EPDR1: variants seen among roughly 807,000 people sequenced by gnomAD.
EPDR1 encodes ependymin related 1, also known as mammalian ependymin-related protein 1.
EPDR1 carries 27 observed loss-of-function variants against 23.7 expected under a neutral mutation model. That is an observed-to-expected ratio of 1.14 (90% CI 0.84 to 1.57). The LOEUF (loss-of-function observed/expected upper bound fraction) is 1.57. Ranked by LOEUF, EPDR1 falls within the 40% of genes most tolerant of loss-of-function variation. The pLI is 0.00. For synonymous variants in EPDR1, 137 were observed against 118.2 expected (o/e 1.16, Z -1.03); for missense variants, 349 against 290.4 (o/e 1.20, Z -1.47).
At chr7:37,944,150 G>A (rs73693215) in intron 1 of EPDR1, among the ~76,000 whole-genome samples, 2,451 of 152,300 alleles carry the variant, frequency 0.016, 67 homozygotes, top group African/African-American at 0.056. Flanking sequence ...CTGTAAGCGG[G>A]GGTGCTCCAA....
intron 1 of EPDR1, among the ~76,000 whole-genome samples, chr7:37,947,632 T>C (rs1182240791): frequency 6.6e-6 from 1 of 152,234 alleles, no homozygotes; most frequent in African/African-American, 2.4e-5. Context: ...GTCACTTCTC[T>C]AGGCTCTTCA....
rs1456308686 is a variant in EPDR1 at position 37,920,747 on chromosome 7, G to A, written c.-193G>A. 6.2e-7 allele frequency: 1 copy of A among 1,609,412 alleles called. No homozygotes were observed. The highest frequency in any genetic ancestry group is 1.7e-5 in the Admixed American group (1 of 59,860). ...TTCACTGGAGCCTTCCCCGGGCCCTGGTCCCGGCTACCGGGACTCGCGCGT... is the reference window on the plus strand; with the variant it reads ...TTCACTGGAGCCTTCCCCGGGCCCTAGTCCCGGCTACCGGGACTCGCGCGT... On this transcript the variant is annotated 5_prime_UTR_variant, in exon 1 of 3. Transcript: ENST00000199448.
At chr7:37,921,255 A>C in intron 1 of EPDR1, 47 bp downstream of exon 1, 1 of 1,535,952 alleles carries the variant, frequency 6.5e-7, no homozygotes, top group Non-Finnish European at 8.7e-7. Context: ...CCGCGCGGGC[A>C]TGGGGAGGGC....
chr7:37,922,839 G>C (rs894622837), intron 1 of EPDR1, among the ~76,000 whole-genome samples: 4 of 152,184 alleles, frequency 2.6e-5, no homozygotes, highest in African/African-American at 9.7e-5. Flanking sequence ...AGTGGGATGA[G>C]GGGTGAGAGC....
chr7:37,921,523 A>C, intron 1 of EPDR1: 3 of 1,303,582 alleles, frequency 2.3e-6, no homozygotes, highest in Non-Finnish European at 2.9e-6. Flanking sequence ...CCCTGTTCTC[A>C]CGCTGCTGAG....
chr7:37,935,748 C>T (rs1165245130), intron 1 of EPDR1, among the ~76,000 whole-genome samples: 2 of 150,468 alleles, frequency 1.3e-5, no homozygotes, highest in Non-Finnish European at 3.0e-5. Flanking sequence ...AGCTCTACAT[C>T]TAGTTCAAAA....
At chr7:37,931,898 A>T (rs182692084) in intron 1 of EPDR1, among the ~76,000 whole-genome samples, 1,541 of 152,060 alleles carry the variant, frequency 0.01, 28 homozygotes, top group African/African-American at 0.035. Context: ...GTAGTAGAGA[A>T]AGGGTTTCAC....
intron 1 of EPDR1, among the ~76,000 whole-genome samples, chr7:37,946,420 C>T (rs1000306756): frequency 1.7e-4 from 26 of 152,166 alleles, no homozygotes; most frequent in African/African-American, 6.3e-4. Flanking sequence ...TATTAATAGC[C>T]ATTCTGACTG....
At chr7:37,924,607 G>T (rs1344940218) in intron 1 of EPDR1, among the ~76,000 whole-genome samples, 2 of 152,146 alleles carry the variant, frequency 1.3e-5, no homozygotes, top group Non-Finnish European at 2.9e-5. Flanking sequence ...TCATTCCTCT[G>T]CCCTAATCCA....
At chr7:37,931,055 A>ATT (rs140074253) in intron 1 of EPDR1, among the ~76,000 whole-genome samples, 38,761 of 150,786 alleles carry the variant, frequency 0.26, 4,952 homozygotes, top group African/African-American at 0.3. Context: ...AAATTATTCA[A>ATT]TTTTTTTTTT....
At chr7:37,932,009 G>A (rs1387934402) in intron 1 of EPDR1, among the ~76,000 whole-genome samples, 1 of 152,064 alleles carries the variant, frequency 6.6e-6, no homozygotes, top group Non-Finnish European at 1.5e-5. Flanking sequence ...CGCCCGGTCG[G>A]GAACTTTCCT....
chr7:37,944,147 C>T (rs1044280095), intron 1 of EPDR1, among the ~76,000 whole-genome samples: 3 of 152,160 alleles, frequency 2.0e-5, no homozygotes, highest in African/African-American at 7.2e-5. Flanking sequence ...ACTCTGTAAG[C>T]GGGGGTGCTC....
intron 1 of EPDR1, among the ~76,000 whole-genome samples, chr7:37,931,901 G>A (rs1393113842): frequency 6.6e-6 from 1 of 152,022 alleles, no homozygotes; most frequent in Admixed American, 6.6e-5. Flanking sequence ...GTAGAGAAAG[G>A]GTTTCACTGT....
At chr7:37,946,763 T>A (rs1188371063) in intron 1 of EPDR1, among the ~76,000 whole-genome samples, 1 of 152,086 alleles carries the variant, frequency 6.6e-6, no homozygotes, top group Non-Finnish European at 1.5e-5. Flanking sequence ...CTGGCTAATA[T>A]CTGTGTTTGT....
intron 1 of EPDR1, among the ~76,000 whole-genome samples, chr7:37,926,335 G>C (rs960874430): frequency 6.6e-6 from 1 of 151,596 alleles, no homozygotes; most frequent in Non-Finnish European, 1.5e-5. Context: ...ATGCTTCAGT[G>C]TATTTCCTCC....
chr7:37,946,094 A>C (rs1023046388), intron 1 of EPDR1, among the ~76,000 whole-genome samples: 6 of 152,156 alleles, frequency 3.9e-5, no homozygotes, highest in Admixed American at 6.5e-5. Context: ...CATTGTGTAT[A>C]TGTACCCCAT....
At position 37,921,114 on chromosome 7, in the gene EPDR1, A is replaced by G; in HGVS notation, c.175A>G (p.Ser59Gly). 1 of 1,593,972 alleles carries G rather than the reference A, an allele frequency of 6.3e-7. No homozygotes were observed. The highest frequency in any genetic ancestry group is 8.5e-7 in the Non-Finnish European group (1 of 1,177,732). ...GCGCCAGGTTATGTACCAGCAAAGT[A>G]GCGGGCGCAACAGCCGCGCCCTGCT... is the stretch of plus-strand genomic sequence containing the variant. Reference protein sequence around the residue: ...EGRQVMYQQSSGRNSRALLSY... With the variant: ...EGRQVMYQQSGGRNSRALLSY... The change falls in exon 1 of 3, where the codon AGC (serine) becomes GGC (glycine). Residue 59 changes from serine (S) to glycine (G), a missense_variant. By Grantham distance (56) the Ser-to-Gly change is moderately conservative. Coordinates refer to ENST00000199448, the MANE Select transcript of EPDR1 (RefSeq NM_017549.5).
At chr7:37,921,555 C>T (rs1352489927) in intron 1 of EPDR1, 1 of 1,215,130 alleles carries the variant, frequency 8.2e-7, no homozygotes, top group Non-Finnish European at 1.0e-6. Context: ...GCTCATGGAG[C>T]CCCCTGCAGT....
At chr7:37,939,140 G>A (rs1217046344) in intron 1 of EPDR1, among the ~76,000 whole-genome samples, 2 of 151,754 alleles carry the variant, frequency 1.3e-5, no homozygotes, top group African/African-American at 2.4e-5. Context: ...CACCACACCC[G>A]GCTAATTTTT....
Sources: gnomAD v4.1 joint callset for allele counts (sites outside exome capture counted in the v4.1 genomes callset) on GRCh38, gnomAD v4.1.1 for gene constraint, MANE v1.5 for transcripts, NCBI Gene and HGNC (gene_info 2026-07-23, HGNC 2026-07-21) for gene names.